Variants in ZNF704 observed in about 807,000 individuals in gnomAD.
ZNF704 encodes glucocorticoid induced gene 1.
Under a neutral mutation model 44.7 loss-of-function variants are expected in ZNF704, and 10 were observed. The ratio of observed to expected loss-of-function variants is 0.22; its 90% CI spans 0.14 to 0.38. The LOEUF is 0.38. ZNF704 is among the 10% of genes least tolerant of loss of function. ZNF704 has a pLI of 1.00. For missense variants in ZNF704, 390 were observed against 545.5 expected (o/e 0.71, Z 2.84); for synonymous variants, 211 against 207.6 (o/e 1.02, Z -0.14).
At chr8:80,717,236 T>C (rs1316031239) in intron 2 of ZNF704, among the ~76,000 whole-genome samples, 1 of 152,224 alleles carries the variant, frequency 6.6e-6, no homozygotes, top group African/African-American at 2.4e-5. Flanking sequence ...AACTCTCTGG[T>C]TGCTCTGCCA....
intron 2 of ZNF704, among the ~76,000 whole-genome samples, chr8:80,762,103 T>C (rs896795662): frequency 3.3e-5 from 5 of 152,156 alleles, no homozygotes; most frequent in Admixed American, 1.3e-4. Context: ...GAAGTCAAAT[T>C]GGCCAAAAAA....
intron 1 of ZNF704, among the ~76,000 whole-genome samples, chr8:80,843,080 A>T (rs1435715770): frequency 6.6e-6 from 1 of 152,212 alleles, no homozygotes; most frequent in Non-Finnish European, 1.5e-5. Context: ...AGAAGATATT[A>T]TTTTCCACCA....
intron 1 of ZNF704, among the ~76,000 whole-genome samples, chr8:80,870,460 G>C (rs1809232639): frequency 6.6e-6 from 1 of 152,118 alleles, no homozygotes; most frequent in Admixed American, 6.5e-5. Flanking sequence ...CTCTTGTCAA[G>C]GACACTAGTA....
chr8:80,721,441 G>A (rs767391352), intron 2 of ZNF704, among the ~76,000 whole-genome samples: 3 of 152,108 alleles, frequency 2.0e-5, no homozygotes, highest in Admixed American at 1.3e-4. Context: ...TTTTGCATTC[G>A]AAGTTTCACA....
rs1288479036 is a variant in ZNF704, at chr8:80,874,282, C to T, written c.-22+289G>A. 6.9e-6 allele frequency among the ~76,000 whole-genome samples: 1 copy of T among 144,164 alleles called. No homozygotes were observed. The highest frequency in any genetic ancestry group is 2.5e-5 in the African/African-American group (1 of 39,964). The allele number at this position is 144,164 out of a possible 152,430, so 94.6% of individuals were successfully genotyped here. A position where few individuals can be genotyped will look rare whatever the true frequency, so the allele number is the denominator to read the frequency against. On this transcript the variant is annotated intron_variant, in intron 1 of 8. Coordinates refer to ENST00000327835, the MANE Select transcript of ZNF704 (RefSeq NM_001033723.3). This position sits in a 1 kb window ranked among gnomAD's most constrained non-coding sequence, Gnocchi z 4.4. The stretch of plus-strand genomic sequence containing the variant: ...CTACGGCGGGGCGGCGCGGCGGCCG[C>T]GGGCGGGGGTGGGTGTGAGCGAGCG...
intron 1 of ZNF704, among the ~76,000 whole-genome samples, chr8:80,823,811 G>T (rs1468933824): frequency 6.6e-6 from 1 of 152,198 alleles, no homozygotes; most frequent in Non-Finnish European, 1.5e-5. Flanking sequence ...GGCAAACAGG[G>T]TCTGAAGTGG....
At chr8:80,872,322 T>C (rs1175519936) in intron 1 of ZNF704, among the ~76,000 whole-genome samples, 1 of 152,230 alleles carries the variant, frequency 6.6e-6, no homozygotes, top group Non-Finnish European at 1.5e-5. Flanking sequence ...GAGCTGGTAC[T>C]TCCAGGGTGG....
intron 2 of ZNF704, among the ~76,000 whole-genome samples, chr8:80,806,991 CTA>C (rs1808000122): frequency 6.6e-6 from 1 of 152,184 alleles, no homozygotes; most frequent in Non-Finnish European, 1.5e-5. Context: ...TACTGTTTTG[CTA>C]CATATGCAGG....
At chr8:80,703,216 C>G (rs1297261197) in intron 2 of ZNF704, among the ~76,000 whole-genome samples, 2 of 152,038 alleles carry the variant, frequency 1.3e-5, no homozygotes, top group African/African-American at 4.8e-5. Context: ...TTTCTCCTCT[C>G]CATACCTGTG....
chr8:80,836,530 C>A (rs542743152), intron 1 of ZNF704, among the ~76,000 whole-genome samples: 1 of 152,252 alleles, frequency 6.6e-6, no homozygotes, highest in African/African-American at 2.4e-5. Context: ...GTAATCCCAG[C>A]ACTTTGGGAG....
At chr8:80,822,613 A>T (rs1808297057) in intron 1 of ZNF704, among the ~76,000 whole-genome samples, 1 of 152,192 alleles carries the variant, frequency 6.6e-6, no homozygotes, top group Non-Finnish European at 1.5e-5. Context: ...ATCCCTGAGG[A>T]ATCGCCACAC....
chr8:80,763,207 C>T (rs751569385), intron 2 of ZNF704, among the ~76,000 whole-genome samples: 1 of 152,232 alleles, frequency 6.6e-6, no homozygotes, highest in Non-Finnish European at 1.5e-5. Flanking sequence ...CTCCACTTGG[C>T]AGTGTCCCAG....
intron 2 of ZNF704, among the ~76,000 whole-genome samples, chr8:80,736,973 T>G (rs1228639286): frequency 6.6e-6 from 1 of 151,814 alleles, no homozygotes; most frequent in African/African-American, 2.4e-5. Flanking sequence ...GATTCTCATA[T>G]CCAGCCAGGG....
chr8:80,727,951 C>G (rs1271176553), intron 2 of ZNF704, among the ~76,000 whole-genome samples: 1 of 152,066 alleles, frequency 6.6e-6, no homozygotes, highest in African/African-American at 2.4e-5. Context: ...GCTGCACTTA[C>G]CAAACTACAA....
chr8:80,707,484 G>A (rs560989345), intron 2 of ZNF704, among the ~76,000 whole-genome samples: 2 of 152,092 alleles, frequency 1.3e-5, no homozygotes, highest in Non-Finnish European at 2.9e-5. Context: ...TATCTAAAAT[G>A]TTTTGAATAA....
chr8:80,824,991 C>A lies in ZNF704; in HGVS notation c.-21-3376G>T, dbSNP rs574479796. On this transcript the variant is annotated intron_variant, in intron 1 of 8. Transcript: ENST00000327835. ...AAACATGCCAAATTGTAAAGACCAT[C>A]GAGGCTAGGAAGAAACCGCATCAAC... Among the ~76,000 whole-genome samples, 10 of 152,256 alleles carry A rather than the reference C, an allele frequency of 6.6e-5. No homozygotes were observed. In the South Asian group the frequency reaches 1.9e-3, roughly 28 times the overall value.
chr8:80,807,848 A>AACT (rs61557399), intron 2 of ZNF704, among the ~76,000 whole-genome samples: 2 of 151,756 alleles, frequency 1.3e-5, no homozygotes, highest in Non-Finnish European at 2.9e-5. Context: ...ATATTTTTAA[A>AACT]ACAAAATGGG....
rs998397345 is a variant in ZNF704 at position 80,633,509 on chromosome 8, T to C, written c.*7857A>G. On this transcript the variant is annotated 3_prime_UTR_variant, in exon 9 of 9. Transcript: ENST00000327835. ...TGAAAGGCCTGGACTGAATAGATGGTTTGAGAACATGGTGGGTCCCTGGGT... is the reference window on the plus strand; with the variant it reads ...TGAAAGGCCTGGACTGAATAGATGGCTTGAGAACATGGTGGGTCCCTGGGT... 2.6e-5 allele frequency: 4 copies of C among 152,066 alleles called. No homozygotes were observed. The highest frequency in any genetic ancestry group is 4.4e-5 in the Non-Finnish European group (3 of 68,000). 9.4% of individuals were successfully genotyped at this position (152,066 alleles called of 1,614,324 possible).
intron 2 of ZNF704, among the ~76,000 whole-genome samples, chr8:80,772,482 C>G (rs1807337382): frequency 6.6e-6 from 1 of 152,106 alleles, no homozygotes; most frequent in Admixed American, 6.5e-5. Context: ...GGGAAGCAGG[C>G]ACATCTTACA....
Sources: gnomAD v4.1 joint callset for allele counts (sites outside exome capture counted in the v4.1 genomes callset) on GRCh38, gnomAD v4.1.1 for gene constraint, Gnocchi (gnomAD v3.1) non-coding constraint, MANE v1.5 for transcripts, NCBI Gene and HGNC (gene_info 2026-07-23, HGNC 2026-07-21) for gene names.